TMEM132D: variants seen among roughly 807,000 people sequenced by gnomAD.
TMEM132D encodes the protein mature OL transmembrane protein.
TMEM132D carries 21 observed loss-of-function variants against 62.3 expected under a neutral mutation model. The ratio of observed to expected loss-of-function variants is 0.34; its 90% CI spans 0.24 to 0.49. TMEM132D has a LOEUF of 0.49. Among genes scored for constraint, TMEM132D ranks in the 20% least tolerant of loss-of-function variants. TMEM132D has a pLI of 0.99. For missense variants in TMEM132D, 1,346 were observed against 1,402.8 expected (o/e 0.96, Z 0.65); for synonymous variants, 621 against 575.6 (o/e 1.08, Z -1.13).
In TMEM132D at chr12:129,353,381, C is replaced by T. The variant is rs1173803104; in HGVS notation, c.1116-15564G>A. 2.0e-5 allele frequency among the ~76,000 whole-genome samples: 3 copies of T among 152,024 alleles called. No homozygotes were observed. In the East Asian group the frequency reaches 5.8e-4, roughly 29 times the overall value. ...AGAATGAATAAAGAGGTGACAAGAA[C>T]AGAGTTTCAGGCAAGGGGACATAGG... On this transcript the variant is annotated intron_variant, in intron 3 of 8. Coordinates refer to ENST00000422113, the MANE Select transcript of TMEM132D (RefSeq NM_133448.3).
chr12:129,833,369 G>C (rs543784203), intron 1 of TMEM132D, among the ~76,000 whole-genome samples: 1 of 152,298 alleles, frequency 6.6e-6, no homozygotes, highest in South Asian at 2.1e-4. Flanking sequence ...GGGAGGCTGA[G>C]GTGGGCGGAT....
At chr12:129,838,905 T>C (rs2137341420) in intron 1 of TMEM132D, among the ~76,000 whole-genome samples, 1 of 151,946 alleles carries the variant, frequency 6.6e-6, no homozygotes, top group South Asian at 2.1e-4. Flanking sequence ...TAAACTGCTG[T>C]CATTTTTTGG....
At chr12:129,199,168 G>A (rs961578779) in intron 5 of TMEM132D, among the ~76,000 whole-genome samples, 12 of 143,526 alleles carry the variant, frequency 8.4e-5, no homozygotes, top group Admixed American at 7.3e-5. Context: ...GGAATGCAGT[G>A]GTGCCATCAT....
intron 5 of TMEM132D, among the ~76,000 whole-genome samples, chr12:129,163,011 G>T (rs1877443954): frequency 2.0e-5 from 3 of 152,268 alleles, no homozygotes; most frequent in Middle Eastern, 3.4e-3. Flanking sequence ...TGGCTGCAAG[G>T]TGCAACAGCA....
Position 129,153,495 on chromosome 12 carries a change from C to T in TMEM132D, c.1443+56025G>A, listed in dbSNP as rs147216231. Among the ~76,000 whole-genome samples, 793 of 151,970 alleles carry T rather than the reference C, an allele frequency of 5.2e-3. 7 individuals are homozygous for T. Among genetic ancestry groups the T allele is most frequent in the African/African-American group, 0.017 (718 of 41,438 alleles). The stretch of plus-strand genomic sequence containing the variant: ...AATGTCAGAACACTCCAGGCTGTGC[C>T]GTGAAGAATGGAAGGAGAGCAGTAC... On this transcript the variant is annotated intron_variant, in intron 5 of 8. Transcript: ENST00000422113.
At chr12:129,680,600 C>T (rs1268979729) in intron 2 of TMEM132D, among the ~76,000 whole-genome samples, 2 of 152,098 alleles carry the variant, frequency 1.3e-5, no homozygotes, top group African/African-American at 2.4e-5. Context: ...TAGAGTCAAT[C>T]AGAAAAGAAA....
intron 2 of TMEM132D, among the ~76,000 whole-genome samples, chr12:129,537,172 A>AAAAAT (rs1876419182): frequency 6.6e-6 from 1 of 151,764 alleles, no homozygotes; most frequent in Non-Finnish European, 1.5e-5. Context: ...AAAAAAAAAA[A>AAAAAT]AATTCATATG....
chr12:129,636,971 C>T (rs1404787524), intron 2 of TMEM132D, among the ~76,000 whole-genome samples: 1 of 151,980 alleles, frequency 6.6e-6, no homozygotes, highest in Non-Finnish European at 1.5e-5. Flanking sequence ...AGAAACAAAA[C>T]TCTCATTTCT....
At chr12:129,386,476 T>C (rs1023170878) in intron 3 of TMEM132D, among the ~76,000 whole-genome samples, 5 of 150,960 alleles carry the variant, frequency 3.3e-5, no homozygotes, top group Non-Finnish European at 5.9e-5. Flanking sequence ...ACGCCAACAC[T>C]AACACCAACA....
chr12:129,165,714 C>G (rs942084495), intron 5 of TMEM132D, among the ~76,000 whole-genome samples: 2 of 151,808 alleles, frequency 1.3e-5, no homozygotes, highest in African/African-American at 4.8e-5. Flanking sequence ...AGATACTCTG[C>G]CATGTTAAAA....
intron 1 of TMEM132D, among the ~76,000 whole-genome samples, chr12:129,804,421 C>A (rs1871903244): frequency 7.3e-6 from 1 of 136,454 alleles, no homozygotes; most frequent in African/African-American, 2.7e-5. Flanking sequence ...AGCATATAAA[C>A]AGAGCCAAAG....
chr12:129,097,460 G>A (rs536066860), intron 5 of TMEM132D, among the ~76,000 whole-genome samples: 11 of 152,018 alleles, frequency 7.2e-5, no homozygotes, highest in Admixed American at 2.0e-4. Flanking sequence ...CATTTACATC[G>A]CCTATATCCA....
At chr12:129,473,329 T>TTTTG (rs1555259219) in intron 3 of TMEM132D, among the ~76,000 whole-genome samples, 2 of 133,280 alleles carry the variant, frequency 1.5e-5, no homozygotes, top group African/African-American at 5.7e-5. Context: ...TTTTTGTTTT[T>TTTTG]TTTTTTTTTT....
At chr12:129,299,889 G>A (rs770910522) in intron 4 of TMEM132D, among the ~76,000 whole-genome samples, 13 of 152,046 alleles carry the variant, frequency 8.6e-5, no homozygotes, top group Non-Finnish European at 1.5e-4. Context: ...TTCCAATTAC[G>A]CTTAATCATT....
intron 3 of TMEM132D, among the ~76,000 whole-genome samples, chr12:129,374,269 C>CAGAGAGAGAGAGAGAGAGAG (rs35178347): frequency 0.031 from 4,428 of 144,196 alleles, 125 homozygotes; most frequent in African/African-American, 0.056. Context: ...CCTCACACAT[C>CAGAGAGAGAGAGAGAGAGAG]AGAGAGAGAG....
At chr12:129,717,239 C>T (rs951859699) in intron 1 of TMEM132D, among the ~76,000 whole-genome samples, 4 of 152,164 alleles carry the variant, frequency 2.6e-5, no homozygotes, top group African/African-American at 9.7e-5. Context: ...GAAATTTAAT[C>T]TACATTCTAA....
chr12:129,399,774 GA>G (rs1465023620), intron 3 of TMEM132D, among the ~76,000 whole-genome samples: 3 of 151,958 alleles, frequency 2.0e-5, no homozygotes, highest in Non-Finnish European at 4.4e-5. Flanking sequence ...AAAGAGAGAG[GA>G]ATTAACATAT....
At chr12:129,145,235 G>C (rs1876859068) in intron 5 of TMEM132D, among the ~76,000 whole-genome samples, 1 of 151,786 alleles carries the variant, frequency 6.6e-6, no homozygotes, top group African/African-American at 2.4e-5. Flanking sequence ...TCTCTCTCTT[G>C]CTTCTTCTGT....
intron 7 of TMEM132D, among the ~76,000 whole-genome samples, chr12:129,079,609 C>T (rs75094568): frequency 4.6e-5 from 7 of 152,176 alleles, no homozygotes; most frequent in Admixed American, 3.3e-4. Flanking sequence ...CCTGCTTTCT[C>T]GACCTCTTTC....
Sources: allele counts gnomAD v4.1 joint callset (sites outside exome capture counted in the v4.1 genomes callset), GRCh38; gene constraint gnomAD v4.1.1; transcripts MANE v1.5; gene names NCBI Gene and HGNC (gene_info 2026-07-23, HGNC 2026-07-21).